Variants in SIK3 observed in about 807,000 individuals in gnomAD.
SIK3 encodes the protein serine/threonine-protein kinase SIK3.
In SIK3, 28 loss-of-function variants were observed where a neutral mutation model predicts 144.2. The observed-to-expected ratio is 0.19, with a 90% CI of 0.14 to 0.27. The LOEUF (loss-of-function observed/expected upper bound fraction) is 0.27, where lower values mean the gene tolerates loss of function less well. Among genes scored for constraint, SIK3 ranks in the 10% least tolerant of loss-of-function variants. The pLI, the probability that SIK3 is intolerant of heterozygous loss-of-function variation, is 1.00. For missense variants in SIK3, 1,319 were observed against 1,776.0 expected, an observed-to-expected ratio of 0.74 and a Z score of 4.62; for synonymous variants, 686 against 676.3, an observed-to-expected ratio of 1.01 and a Z score of -0.22.
chr11:116,978,389 A>G (rs1415427953), intron 1 of SIK3, among the ~76,000 whole-genome samples: 2 of 152,146 alleles, frequency 1.3e-5, no homozygotes, highest in African/African-American at 4.8e-5. Context: ...CACTCCAAGA[A>G]AACCACCATC....
chr11:117,008,025 G>A (rs1246334984), intron 1 of SIK3, among the ~76,000 whole-genome samples: 1 of 124,100 alleles, frequency 8.1e-6, no homozygotes, highest in African/African-American at 3.1e-5. Flanking sequence ...GCAGTAAACT[G>A]AGATCGCACC....
At chr11:117,086,840 C>A (rs896205058) in intron 1 of SIK3, among the ~76,000 whole-genome samples, 3 of 151,390 alleles carry the variant, frequency 2.0e-5, no homozygotes, top group East Asian at 1.9e-4. Flanking sequence ...ACTAAAAATA[C>A]AAAAATTAGC....
chr11:116,897,420 A>G (rs761453345), intron 4 of SIK3, 103 bp from the exon 5 acceptor site: 10 of 1,047,956 alleles, frequency 9.5e-6, no homozygotes, highest in Non-Finnish European at 1.4e-5. Context: ...TTGTCTGAAT[A>G]TTAAATGCAA....
intron 1 of SIK3, among the ~76,000 whole-genome samples, chr11:117,083,668 G>A (rs932054093): frequency 2.6e-5 from 4 of 152,190 alleles, no homozygotes; most frequent in African/African-American, 9.7e-5. Flanking sequence ...GACAACAGGA[G>A]GCAAGAAGCA....
Position 116,873,461 on chromosome 11 carries a change from G to C in SIK3, c.1737+20C>G, listed in dbSNP as rs775045305. ...CAAAAGCCTCTGAGACAGTGAATTG[G>C]GCTCTGTGCTGCTACTCACTGGTGT... On this transcript the variant is annotated intron_variant, in intron 13 of 24. Coordinates refer to ENST00000445177, the MANE Select transcript of SIK3 (RefSeq NM_001366686.3). 28 of 1,614,110 alleles carry C rather than the reference G, an allele frequency of 1.7e-5. No individual in the cohort carries two copies. The East Asian group carries it at 6.2e-4, about 36-fold the overall frequency.
chr11:117,040,490 A>C (rs1952690254), intron 1 of SIK3, among the ~76,000 whole-genome samples: 1 of 152,206 alleles, frequency 6.6e-6, no homozygotes, highest in Non-Finnish European at 1.5e-5. Flanking sequence ...GTGCATAAAT[A>C]ACCACAAATA....
At chr11:116,996,160 T>G (rs966277748) in intron 1 of SIK3, among the ~76,000 whole-genome samples, 6 of 151,858 alleles carry the variant, frequency 4.0e-5, no homozygotes, top group African/African-American at 1.5e-4. Flanking sequence ...ATACAAAAAT[T>G]AGCCAGGTGT....
At position 116,927,407 on chromosome 11, in the gene SIK3, T is replaced by C. The variant is rs766546565; in HGVS notation, c.455-27A>G. 3 of 1,604,670 alleles carry C rather than the reference T, an allele frequency of 1.9e-6. No homozygotes were observed. In the South Asian group the frequency reaches 3.3e-5, roughly 18 times the overall value. ...TGTGTTGAAGAAGAATACAGTCAGT[T>C]TTCATTTTGGACACTTGTGTAATTT... On this transcript the variant is annotated intron_variant, in intron 3 of 24. Transcript: ENST00000445177.
chr11:117,018,359 C>T lies in SIK3; in HGVS notation c.274-61295G>A, dbSNP rs538562425. Among the ~76,000 whole-genome samples the T allele has an allele frequency of 1.6e-4, 25 of 152,238 alleles. No individual in the cohort carries two copies. In the South Asian group the frequency reaches 4.8e-3, roughly 29 times the overall value. On this transcript the variant is annotated intron_variant, in intron 1 of 24. Coordinates refer to ENST00000445177, the MANE Select transcript of SIK3 (RefSeq NM_001366686.3). ...AGTGGATTGTTTTAAAAAGAAAAAA[C>T]GCAGCTCAAACCTGTGTTGTGCAGG...
chr11:116,924,307 A>AC (rs1320535983), intron 4 of SIK3, among the ~76,000 whole-genome samples: 2 of 151,926 alleles, frequency 1.3e-5, no homozygotes, highest in African/African-American at 4.8e-5. Flanking sequence ...AAAAAAAAAA[A>AC]AGAAAAAAAA....
At chr11:116,868,171 A>G in intron 14 of SIK3, 82 bp from the exon 15 acceptor site, 3 of 1,522,020 alleles carry the variant, frequency 2.0e-6, no homozygotes, top group Non-Finnish European at 2.7e-6. Context: ...AGTTAATCCA[A>G]AGCACTCAAT....
intron 21 of SIK3, among the ~76,000 whole-genome samples, chr11:116,852,279 C>T (rs1018890888): frequency 6.6e-6 from 1 of 152,208 alleles, no homozygotes; most frequent in African/African-American, 2.4e-5. Flanking sequence ...AAACACCCAC[C>T]CTCCTTTGGG....
chr11:117,035,952 C>G, intron 1 of SIK3: 1 of 1,585,838 alleles, frequency 6.3e-7, no homozygotes, highest in Non-Finnish European at 8.5e-7. Context: ...CATTTCACAT[C>G]CATGAAGCAG....
chr11:116,895,967 T>C (rs1945377707), intron 6 of SIK3, among the ~76,000 whole-genome samples: 1 of 152,216 alleles, frequency 6.6e-6, no homozygotes, highest in Non-Finnish European at 1.5e-5. Context: ...ATTTAATCCT[T>C]ACAGTAATAG....
chr11:116,847,695 C>T (rs541896248), intron 22 of SIK3, 87 bp from the exon 23 acceptor site: 3 of 1,575,718 alleles, frequency 1.9e-6, no homozygotes, highest in African/African-American at 2.7e-5. Flanking sequence ...TCTGAAGGAG[C>T]CCAGGCAAAA....
chr11:116,870,426 C>G (rs1416312486), intron 13 of SIK3, 25 bp from the exon 14 acceptor site: 3 of 1,612,146 alleles, frequency 1.9e-6, no homozygotes, highest in Non-Finnish European at 8.5e-7. Flanking sequence ...GAAGGAAAAG[C>G]TCAAGGTGGC....
At chr11:117,053,414 T>C (rs1024739363) in intron 1 of SIK3, among the ~76,000 whole-genome samples, 2 of 151,674 alleles carry the variant, frequency 1.3e-5, no homozygotes, top group Non-Finnish European at 2.9e-5. Context: ...ATAATAATAA[T>C]AGCTATATTT....
intron 1 of SIK3, among the ~76,000 whole-genome samples, chr11:117,021,866 A>G (rs1403411968): frequency 7.1e-6 from 1 of 140,212 alleles, no homozygotes; most frequent in South Asian, 2.5e-4. Flanking sequence ...CCGAGGCAGG[A>G]AGATCATTTC....
intron 1 of SIK3, among the ~76,000 whole-genome samples, chr11:117,005,522 CAGACTCAGTAG>C (rs1029999251): frequency 1.3e-5 from 2 of 152,062 alleles, no homozygotes; most frequent in Non-Finnish European, 2.9e-5. Context: ...CAGTAACCTT[CAGACTCAGTAG>C]AGATCAATGC....
Sources: gnomAD v4.1 joint callset for allele counts (sites outside exome capture counted in the v4.1 genomes callset) on GRCh38, gnomAD v4.1.1 for gene constraint, MANE v1.5 for transcripts, NCBI Gene and HGNC (gene_info 2026-07-23, HGNC 2026-07-21) for gene names.